Variants in BHMT2 observed in about 807,000 individuals in gnomAD.
The protein encoded by BHMT2 is betaine--homocysteine S-methyltransferase 2.
BHMT2 carries 28 observed loss-of-function variants against 39.0 expected under a neutral mutation model. The ratio of observed to expected loss-of-function variants is 0.72; its 90% CI spans 0.53 to 0.98. The LOEUF (loss-of-function observed/expected upper bound fraction) is 0.98. Among genes scored for constraint, BHMT2 ranks in the 50% least tolerant of loss-of-function variants. The pLI, the probability that BHMT2 is intolerant of heterozygous loss-of-function variation, is 0.00. For synonymous variants in BHMT2, 145 were observed against 160.6 expected, an observed-to-expected ratio of 0.90 and a Z score of 0.74; for missense variants, 410 against 455.6, an observed-to-expected ratio of 0.90 and a Z score of 0.91.
chr5:79,085,994 GA>G (rs1755885778), intron 7 of BHMT2, among the ~76,000 whole-genome samples: 1 of 152,176 alleles, frequency 6.6e-6, no homozygotes, highest in Non-Finnish European at 1.5e-5. Context: ...GGCATCCTCT[GA>G]CCCTGGCAGA....
chr5:79,084,346 G>A (rs974250110), intron 7 of BHMT2, among the ~76,000 whole-genome samples: 10 of 152,014 alleles, frequency 6.6e-5, no homozygotes, highest in African/African-American at 1.9e-4. Context: ...ACACAATCTC[G>A]GTTCACTGCA....
intron 1 of BHMT2, among the ~76,000 whole-genome samples, chr5:79,072,965 C>CTTTTTT (rs10626697): frequency 7.3e-6 from 1 of 137,698 alleles, no homozygotes; most frequent in Non-Finnish European, 1.5e-5. Context: ...AAATTTGATT[C>CTTTTTT]TTTTTTTTTT....
intron 3 of BHMT2, among the ~76,000 whole-genome samples, 192 bp downstream of exon 3, chr5:79,079,652 C>CT (rs1755745770): frequency 6.6e-6 from 1 of 152,182 alleles, no homozygotes; most frequent in Non-Finnish European, 1.5e-5. Context: ...TCCCAGCACT[C>CT]TGAGAGGCCG....
intron 4 of BHMT2, among the ~76,000 whole-genome samples, chr5:79,081,982 T>A (rs190428147): frequency 1.6e-4 from 25 of 152,324 alleles, no homozygotes; most frequent in East Asian, 1.5e-3. Context: ...GGAACAGTCA[T>A]CTGCAGGGAC....
chr5:79,075,804 G>T (rs1459653477), intron 1 of BHMT2, among the ~76,000 whole-genome samples: 3 of 152,210 alleles, frequency 2.0e-5, no homozygotes. Context: ...GCCCCTTGCA[G>T]GGTGTGTGAT....
At chr5:79,083,544 T>C in intron 6 of BHMT2, 84 bp from the exon 7 acceptor site, 1 of 1,529,918 alleles carries the variant, frequency 6.5e-7, no homozygotes, top group South Asian at 1.3e-5. Context: ...TATAGTTTTT[T>C]TAATTGGAAA....
intron 2 of BHMT2, among the ~76,000 whole-genome samples, chr5:79,078,642 A>G (rs972642424): frequency 2.6e-5 from 4 of 152,244 alleles, no homozygotes; most frequent in African/African-American, 9.6e-5. Context: ...ACCCGTGTGA[A>G]GTGCCCGTAT....
At chr5:79,070,690 T>TA (rs1354625850) in intron 1 of BHMT2, among the ~76,000 whole-genome samples, 1 of 152,188 alleles carries the variant, frequency 6.6e-6, no homozygotes, top group African/African-American at 2.4e-5. Context: ...ACGACCAAGA[T>TA]ACTCTGCAAT....
At position 79,088,358 on chromosome 5, in the gene BHMT2, CTGTGTGTGTG is replaced by C. The variant is rs202040828; in HGVS notation, c.1011-104_1011-95del. ...AGCCTGATTATCCACCAAGTTTTGA[CTGTGTGTGTG>C]TGTGTGTGTGTGTGTGTGTGTGTGT... On this transcript the variant is annotated intron_variant, in intron 7 of 7. Coordinates refer to ENST00000255192, the MANE Select transcript of BHMT2 (RefSeq NM_017614.5). 2.1e-3 allele frequency: 628 copies of C among 304,628 alleles called. 2 individuals carry two copies. Among genetic ancestry groups the C allele is most frequent in the African/African-American group, 0.01 (446 of 42,660 alleles). The allele number at this position is 304,628 out of a possible 1,614,324, so 18.9% of individuals were successfully genotyped here.
rs760195361 is a variant in BHMT2, at chr5:79,083,850, G to C, written c.1004G>C (p.Arg335Thr). 9.9e-6 allele frequency: 16 copies of C among 1,612,946 alleles called. No individual in the cohort carries two copies. Among genetic ancestry groups the C allele is most frequent in the Admixed American group, 3.3e-5 (2 of 59,842 alleles). Residue 335 changes from arginine to threonine, a missense_variant, in exon 7 of 8, where the codon AGA becomes ACA. Arg to Thr is a moderately conservative substitution (Grantham distance 71). Transcript: ENST00000255192. ...GACATGCACACCAAACCCTGGATTA[G>C]AGCAAGGTAAGCATTTTTAAATTAA... ...GLDMHTKPWI[R>T]ARARREYWEN...
intron 3 of BHMT2, among the ~76,000 whole-genome samples, chr5:79,080,368 T>C (rs1164751446): frequency 6.6e-6 from 1 of 152,252 alleles, no homozygotes; most frequent in Non-Finnish European, 1.5e-5. Context: ...CCAACCAACA[T>C]GTACTGAGTA....
At position 79,076,011 on chromosome 5, in the gene BHMT2, C is replaced by T. The variant is rs568384544; in HGVS notation, c.34-1469C>T. Reference sequence around the variant, plus strand: ...AGCTCAATTAGACCCTCCGCCTTATCGAAAGGACAGAGGGCTTTCTGTATC... The same window carrying T: ...AGCTCAATTAGACCCTCCGCCTTATTGAAAGGACAGAGGGCTTTCTGTATC... On this transcript the variant is annotated intron_variant, in intron 1 of 7. Transcript: ENST00000255192. Among the ~76,000 whole-genome samples the T allele has an allele frequency of 4.6e-5, 7 of 152,310 alleles. No individual in the cohort carries two copies. The East Asian group carries it at 7.7e-4, about 17-fold the overall frequency.
chr5:79,075,161 C>T (rs1300626409), intron 1 of BHMT2, among the ~76,000 whole-genome samples: 2 of 152,140 alleles, frequency 1.3e-5, no homozygotes, highest in Non-Finnish European at 2.9e-5. Flanking sequence ...TTTACAAAAA[C>T]AGGTGATGTG....
chr5:79,083,534 T>C, intron 6 of BHMT2, 94 bp from the exon 7 acceptor site: 1 of 1,510,542 alleles, frequency 6.6e-7, no homozygotes, highest in Non-Finnish European at 8.9e-7. Context: ...ATCTAAAGTT[T>C]ATAGTTTTTT....
At chr5:79,073,814 C>A (rs1755624304) in intron 1 of BHMT2, among the ~76,000 whole-genome samples, 1 of 152,146 alleles carries the variant, frequency 6.6e-6, no homozygotes, top group South Asian at 2.1e-4. Flanking sequence ...GGTAGAGTGA[C>A]CTGGTATTTA....
At chr5:79,070,418 A>G (rs937106830) in intron 1 of BHMT2, among the ~76,000 whole-genome samples, 1 of 152,132 alleles carries the variant, frequency 6.6e-6, no homozygotes, top group Non-Finnish European at 1.5e-5. Context: ...GGTGGTCCCC[A>G]GCTCCTGGCC....
chr5:79,075,894 G>C (rs898914621), intron 1 of BHMT2, among the ~76,000 whole-genome samples: 1 of 152,186 alleles, frequency 6.6e-6, no homozygotes, highest in South Asian at 2.1e-4. Flanking sequence ...GCAGCATCTA[G>C]GGGTGAATGT....
chr5:79,079,706 G>A (rs1197737540), intron 3 of BHMT2, among the ~76,000 whole-genome samples: 3 of 152,258 alleles, frequency 2.0e-5, no homozygotes, highest in East Asian at 3.9e-4. Context: ...GATCAGCCTG[G>A]ACAACATGGT....
At chr5:79,078,960 C>T (rs1205051565) in intron 2 of BHMT2, among the ~76,000 whole-genome samples, 1 of 152,166 alleles carries the variant, frequency 6.6e-6, no homozygotes, top group Non-Finnish European at 1.5e-5. Context: ...GATATGGGTG[C>T]CACCCACATG....
Sources: allele counts gnomAD v4.1 joint callset (sites outside exome capture counted in the v4.1 genomes callset), GRCh38; gene constraint gnomAD v4.1.1; transcripts MANE v1.5; gene names NCBI Gene and HGNC (gene_info 2026-07-23, HGNC 2026-07-21).